TTLL7: variants seen among roughly 807,000 people sequenced by gnomAD.
The protein encoded by TTLL7 is tubulin polyglutamylase TTLL7.
A neutral mutation model predicts 120.2 loss-of-function variants in TTLL7; 53 were observed. That is an observed-to-expected ratio of 0.44 (90% CI 0.35 to 0.55). TTLL7 has a LOEUF of 0.55. Ranked by LOEUF, TTLL7 falls within the 20% of genes least tolerant of loss-of-function variation. The probability of loss-of-function intolerance (pLI) is 0.00; values close to 1 mark genes in which losing one functional copy is unlikely to be tolerated. For missense variants in TTLL7, 803 were observed against 1,054.7 expected, an observed-to-expected ratio of 0.76 and a Z score of 3.31; for synonymous variants, 353 against 351.7, an observed-to-expected ratio of 1.00 and a Z score of -0.04.
Position 83,869,985 on chromosome 1 carries a change from TA to T in TTLL7, c.2640del (p.Phe880LeufsTer20). 1 of 1,595,922 alleles carries T rather than the reference TA, an allele frequency of 6.3e-7. No individual in the cohort carries two copies. On this transcript the variant is annotated frameshift_variant, in exon 21 of 21. Transcript: ENST00000260505. LOFTEE classifies it high-confidence loss of function. ...SPGMTRSNVL[F>X]TSRYGHL is the part of the protein sequence containing the mutation. Reference sequence around the variant, plus strand: ...TTTCACAGATGGCCATATCTGGATGTAAACAAAACATTGGAGCGAGTCATTC... The same window carrying T: ...TTTCACAGATGGCCATATCTGGATGTAACAAAACATTGGAGCGAGTCATTC...
chr1:83,978,729 T>A (rs10493743), intron 1 of TTLL7, among the ~76,000 whole-genome samples: 1 of 152,036 alleles, frequency 6.6e-6, no homozygotes, highest in Non-Finnish European at 1.5e-5. Flanking sequence ...GAGAAGTAAA[T>A]GAGAATGATA....
At chr1:83,948,835 T>C in intron 4 of TTLL7, 140 bp from the exon 5 acceptor site, 1 of 560,808 alleles carries the variant, frequency 1.8e-6, no homozygotes, top group South Asian at 3.3e-5. Context: ...TAATGTTAAA[T>C]GACCTACAGT....
chr1:83,975,819 A>C (rs1165565326), intron 1 of TTLL7, among the ~76,000 whole-genome samples: 1 of 152,098 alleles, frequency 6.6e-6, no homozygotes, highest in East Asian at 1.9e-4. Context: ...TAGTATTCTA[A>C]TGTACTTTCT....
intron 7 of TTLL7, 39 bp from the exon 8 acceptor site, chr1:83,938,055 C>T: frequency 6.3e-7 from 1 of 1,591,364 alleles, no homozygotes; most frequent in Non-Finnish European, 8.6e-7. Context: ...CCACCTATGA[C>T]ATCCTAGAAC....
At chr1:83,958,701 T>C (rs1649749597) in intron 1 of TTLL7, among the ~76,000 whole-genome samples, 1 of 152,204 alleles carries the variant, frequency 6.6e-6, no homozygotes, top group East Asian at 1.9e-4. Flanking sequence ...AGAATAAAAG[T>C]AAATGAAACA....
intron 1 of TTLL7, among the ~76,000 whole-genome samples, chr1:83,996,697 G>C (rs547796678): frequency 6.6e-6 from 1 of 152,284 alleles, no homozygotes. Flanking sequence ...TCCTTGAAGT[G>C]GGGAATTTAG....
rs375584460 is a variant in TTLL7 at position 83,938,817 on chromosome 1, C to T, written c.724-801G>A. Among the ~76,000 whole-genome samples the T allele has an allele frequency of 4.3e-4, 66 of 152,290 alleles. 1 individual carries two copies. The South Asian group carries it at 0.013, about 30-fold the overall frequency. ...AAATCTATCTTTAATTCCTACCCTCCTCATGATCCTAAAGATTACTTGAGA... is the reference window on the plus strand; with the variant it reads ...AAATCTATCTTTAATTCCTACCCTCTTCATGATCCTAAAGATTACTTGAGA... On this transcript the variant is annotated intron_variant, in intron 7 of 20. Transcript: ENST00000260505.
At chr1:83,897,316 G>A (rs1293205119) in intron 18 of TTLL7, among the ~76,000 whole-genome samples, 2 of 152,010 alleles carry the variant, frequency 1.3e-5, no homozygotes, top group East Asian at 3.9e-4. Context: ...AGTGCCTGGG[G>A]CATGGTAGTC....
intron 1 of TTLL7, chr1:83,980,270 T>C (rs957097552): frequency 5.3e-5 from 8 of 152,220 alleles, no homozygotes; most frequent in African/African-American, 1.9e-4. Context: ...ATAAGACTGC[T>C]GGCTGAGACA....
chr1:83,975,520 TA>T (rs1314860829), intron 1 of TTLL7, among the ~76,000 whole-genome samples: 2 of 152,106 alleles, frequency 1.3e-5, no homozygotes, highest in African/African-American at 4.8e-5. Flanking sequence ...TTATTTCATT[TA>T]GTCCTCACAG....
intron 18 of TTLL7, among the ~76,000 whole-genome samples, chr1:83,901,037 G>A (rs963308199): frequency 5.3e-5 from 8 of 151,762 alleles, no homozygotes; most frequent in African/African-American, 1.7e-4. Context: ...CATTTTATTT[G>A]TCAACATTTA....
chr1:83,883,233 G>T, intron 19 of TTLL7, 97 bp from the exon 20 acceptor site: 1 of 936,454 alleles, frequency 1.1e-6, no homozygotes. Flanking sequence ...AAGGGAAATA[G>T]AAATGGTCTC....
chr1:83,962,953 C>T (rs913556908), intron 1 of TTLL7, among the ~76,000 whole-genome samples: 1 of 152,134 alleles, frequency 6.6e-6, no homozygotes, highest in Non-Finnish European at 1.5e-5. Flanking sequence ...ATGGACAACG[C>T]TTCTCTAATA....
At chr1:83,973,752 G>C (rs1192806697) in intron 1 of TTLL7, among the ~76,000 whole-genome samples, 2 of 151,916 alleles carry the variant, frequency 1.3e-5, no homozygotes, top group African/African-American at 2.4e-5. Context: ...CAGAGTTTTT[G>C]TAGTTTTCCT....
chr1:83,872,419 G>C (rs1350458037), intron 20 of TTLL7, among the ~76,000 whole-genome samples: 1 of 152,184 alleles, frequency 6.6e-6, no homozygotes, highest in African/African-American at 2.4e-5. Flanking sequence ...CATGATGATT[G>C]ATCCAGTATT....
chr1:83,880,000 G>A (rs1421642478), intron 20 of TTLL7: 1 of 152,024 alleles, frequency 6.6e-6, no homozygotes, highest in East Asian at 1.9e-4. Context: ...TTGTGGGAAT[G>A]ACATTAAAGA....
chr1:83,928,736 T>C (rs946461779), intron 10 of TTLL7, among the ~76,000 whole-genome samples: 2 of 152,144 alleles, frequency 1.3e-5, no homozygotes, highest in African/African-American at 4.8e-5. Context: ...TTTAGTTTCT[T>C]CTTATAAGAT....
intron 1 of TTLL7, among the ~76,000 whole-genome samples, chr1:83,976,152 T>C (rs1651467705): frequency 6.6e-6 from 1 of 151,780 alleles, no homozygotes; most frequent in Admixed American, 6.6e-5. Context: ...TGAAAGATAT[T>C]CGAACTAGAG....
chr1:83,949,584 C>T (rs577125024), intron 4 of TTLL7: 133 of 318,078 alleles, frequency 4.2e-4, no homozygotes, highest in Non-Finnish European at 6.9e-4. Flanking sequence ...CCTTGGCCTC[C>T]CAAAATGCTG....
Sources: allele counts gnomAD v4.1 joint callset (sites outside exome capture counted in the v4.1 genomes callset), GRCh38; gene constraint gnomAD v4.1.1; transcripts MANE v1.5; gene names NCBI Gene and HGNC (gene_info 2026-07-23, HGNC 2026-07-21).